DST: variants seen among roughly 807,000 people sequenced by gnomAD.
DST encodes bullous pemphigoid antigen.
In DST, 253 loss-of-function variants were observed where a neutral mutation model predicts 875.2. The observed-to-expected ratio is 0.29, with a 90% CI of 0.26 to 0.32. The LOEUF (loss-of-function observed/expected upper bound fraction) is 0.32, where lower values mean the gene tolerates loss of function less well. Among genes scored for constraint, DST ranks in the 10% least tolerant of loss-of-function variants. DST has a pLI of 1.00. For missense variants in DST, 8,287 were observed against 9,111.6 expected, an observed-to-expected ratio of 0.91 and a Z score of 3.68; for synonymous variants, 3,124 against 3,197.1, an observed-to-expected ratio of 0.98 and a Z score of 0.77.
intron 78 of DST, among the ~76,000 whole-genome samples, chr6:56,503,585 A>G (rs74638354): frequency 0.011 from 1,460 of 127,506 alleles, 31 homozygotes; most frequent in African/African-American, 0.042. Flanking sequence ...CTCTCTCTCT[A>G]CCTATACATA....
intron 3 of DST, among the ~76,000 whole-genome samples, chr6:56,890,325 A>C (rs1786789481): frequency 6.6e-6 from 1 of 152,360 alleles, no homozygotes; most frequent in Middle Eastern, 3.4e-3. Flanking sequence ...TCTTATGATG[A>C]TGATGATGAT....
chr6:56,661,877 C>T lies in DST; in HGVS notation c.1214+8764G>A, dbSNP rs1374303981. ...TGCTGGGATTACAGGTGTGAGTCAC[C>T]GCGCCCGGCCGACCCTCTAACTTTT... On this transcript the variant is annotated intron_variant, in intron 10 of 103. Transcript: ENST00000680361. 7.9e-5 allele frequency among the ~76,000 whole-genome samples: 12 copies of T among 152,202 alleles called. No individual in the cohort carries two copies. In the East Asian group the frequency reaches 1.4e-3, roughly 17 times the overall value.
chr6:56,921,811 C>T (rs560457762), intron 2 of DST, among the ~76,000 whole-genome samples: 8 of 151,790 alleles, frequency 5.3e-5, no homozygotes, highest in Non-Finnish European at 7.4e-5. Flanking sequence ...TTTGTTATTT[C>T]GTATATTTAT....
At chr6:56,934,559 ATT>A (rs1811892427) in intron 2 of DST, among the ~76,000 whole-genome samples, 2 of 67,220 alleles carry the variant, frequency 3.0e-5, no homozygotes, top group South Asian at 4.4e-4. Flanking sequence ...TATATATTAT[ATT>A]ATATATATAT....
Position 56,659,945 on chromosome 6 carries a change from G to C in DST, c.1215-8701C>G, listed in dbSNP as rs533371852. 6.6e-5 allele frequency among the ~76,000 whole-genome samples: 10 copies of C among 152,258 alleles called. No homozygotes were observed. In the South Asian group the frequency reaches 1.2e-3, roughly 19 times the overall value. ...GACTCCTGTGTTGAACAGCAGCAGC[G>C]GGGGTGAGGATGGATGCAGAAGAAG... On this transcript the variant is annotated intron_variant, in intron 10 of 103. Coordinates refer to ENST00000680361, the MANE Select transcript of DST (RefSeq NM_001374736.1).
chr6:56,768,675 A>C (rs549640779), intron 4 of DST, among the ~76,000 whole-genome samples: 1 of 152,320 alleles, frequency 6.6e-6, no homozygotes, highest in African/African-American at 2.4e-5. Flanking sequence ...ATGATCCATA[A>C]AAGAAAAAAC....
intron 47 of DST, among the ~76,000 whole-genome samples, chr6:56,594,554 G>T (rs2098338610): frequency 1.3e-5 from 2 of 152,096 alleles, no homozygotes; most frequent in African/African-American, 4.8e-5. Context: ...ACCCAAAAAA[G>T]AATGTCTTTA....
intron 4 of DST, among the ~76,000 whole-genome samples, chr6:56,809,330 G>C (rs1379040648): frequency 6.6e-6 from 1 of 152,162 alleles, no homozygotes; most frequent in Non-Finnish European, 1.5e-5. Flanking sequence ...ACTTCTGAAT[G>C]CTCCAATCAT....
At chr6:56,540,196 G>A (rs2097101540) in intron 61 of DST, 1 of 152,558 alleles carries the variant, frequency 6.6e-6, no homozygotes, top group Non-Finnish European at 1.5e-5. Flanking sequence ...AGAAACACTA[G>A]TGACCACTCT....
At chr6:56,508,815 G>A in intron 74 of DST, 60 bp from the exon 75 acceptor site, 1 of 1,333,456 alleles carries the variant, frequency 7.5e-7, no homozygotes, top group Non-Finnish European at 1.0e-6. Context: ...CAACAAAGCA[G>A]AATGTTATAG....
At chr6:56,504,379 T>A (rs527242463) in intron 77 of DST, among the ~76,000 whole-genome samples, 3 of 152,260 alleles carry the variant, frequency 2.0e-5, no homozygotes, top group East Asian at 3.9e-4. Flanking sequence ...TTTGAAAACA[T>A]TTATAGAATC....
chr6:56,606,770 C>A lies in DST; in HGVS notation c.7858G>T (p.Asp2620Tyr). 1 of 1,613,320 alleles carries A rather than the reference C, an allele frequency of 6.2e-7. No individual in the cohort carries two copies. Among genetic ancestry groups the A allele is most frequent in the Non-Finnish European group, 8.5e-7 (1 of 1,179,592 alleles). Reference protein sequence around the residue: ...DDFYDTPLFEDDDHDSLLLDG... With the variant: ...DDFYDTPLFEYDDHDSLLLDG... ...AGAAGCAAAGAATCATGGTCATCAT[C>A]TTCAAACAAGGGAGTATCATAAAAA... Residue 2620 changes from aspartate (D) to tyrosine (Y), a missense_variant, in exon 40 of 104, where the codon GAT (aspartate) becomes TAT (tyrosine). Asp to Tyr is a radical substitution (Grantham distance 160). This residue lies in a region of DST where 3,138 missense variants were observed against 3,116.6 expected (regional missense o/e 1.01). Coordinates refer to ENST00000680361, the MANE Select transcript of DST (RefSeq NM_001374736.1).
At chr6:56,875,896 C>T (rs540943951) in intron 3 of DST, among the ~76,000 whole-genome samples, 2 of 152,290 alleles carry the variant, frequency 1.3e-5, no homozygotes, top group African/African-American at 4.8e-5. Context: ...CACTGCTGCC[C>T]GCCTAGTCAA....
intron 69 of DST, among the ~76,000 whole-genome samples, chr6:56,518,646 C>T (rs1232398227): frequency 1.3e-5 from 2 of 150,634 alleles, no homozygotes; most frequent in African/African-American, 4.9e-5. Context: ...ACTATCAAGT[C>T]AAAGAGCACG....
At chr6:56,927,018 G>C (rs1180179604) in intron 2 of DST, among the ~76,000 whole-genome samples, 1 of 152,218 alleles carries the variant, frequency 6.6e-6, no homozygotes, top group Non-Finnish European at 1.5e-5. Flanking sequence ...GGAGGGAAAA[G>C]AGCAGGTAAG....
intron 100 of DST, 103 bp downstream of exon 100, chr6:56,464,582 G>T: frequency 1.2e-6 from 1 of 844,490 alleles, no homozygotes; most frequent in Non-Finnish European, 1.9e-6. Context: ...AGCCATACGC[G>T]ATGGATGAAG....
intron 69 of DST, among the ~76,000 whole-genome samples, chr6:56,523,528 G>A (rs1375843002): frequency 1.3e-5 from 2 of 152,124 alleles, no homozygotes; most frequent in Non-Finnish European, 2.9e-5. Flanking sequence ...ATGATTAGAA[G>A]TCAATACATT....
chr6:56,813,913 C>A (rs929189025), intron 4 of DST, among the ~76,000 whole-genome samples: 6 of 151,990 alleles, frequency 3.9e-5, no homozygotes, highest in South Asian at 2.1e-4. Flanking sequence ...TCATTAAGAA[C>A]CTTGTAGGTA....
At chr6:56,467,181 A>G (rs1455065571) in intron 98 of DST, 2 of 152,214 alleles carry the variant, frequency 1.3e-5, no homozygotes, top group Non-Finnish European at 2.9e-5. Flanking sequence ...ATGAACAGTC[A>G]ATTAAACATA....
Sources: allele counts gnomAD v4.1 joint callset (sites outside exome capture counted in the v4.1 genomes callset), GRCh38; gene constraint gnomAD v4.1.1; regional missense constraint gnomAD v4.1.1; transcripts MANE v1.5; gene names NCBI Gene and HGNC (gene_info 2026-07-23, HGNC 2026-07-21).